The following C10orf143 variants were observed in gnomAD, a reference collection of about 807,000 sequenced individuals.
C10orf143 encodes the protein chromosome 10 open reading frame 143.
In C10orf143 at chr10:130,075,987, G is replaced by GTTTTT. The variant is rs11374857; in HGVS notation, c.297+3578_297+3579insAAAAA. Among the ~76,000 whole-genome samples the GTTTTT allele has an allele frequency of 5.3e-5, 7 of 133,186 alleles. 1 individual carries two copies. Among genetic ancestry groups the GTTTTT allele is most frequent in the Non-Finnish European group, 1.1e-4 (7 of 62,362 alleles). The allele number at this position is 133,186 out of a possible 152,430, so 87.4% of individuals were successfully genotyped here. On this transcript the variant is annotated intron_variant, in intron 3 of 3. Coordinates refer to ENST00000637128, the MANE Select transcript of C10orf143 (RefSeq NM_001355042.2). ...GTATGTGTGTGTTTTTTGTTTGTTT[G>GTTTTT]TTTGTTTTTTTTTTTGGAAATGATG... is the stretch of plus-strand genomic sequence containing the variant.
At chr10:130,038,280 T>C (rs1207652967) in intron 3 of C10orf143, among the ~76,000 whole-genome samples, 1 of 152,042 alleles carries the variant, frequency 6.6e-6, no homozygotes, top group Non-Finnish European at 1.5e-5. Flanking sequence ...GACTGCTCAT[T>C]TGTGCATGAG....
chr10:130,103,902 G>C (rs1020238802), intron 1 of C10orf143, among the ~76,000 whole-genome samples: 1 of 151,716 alleles, frequency 6.6e-6, no homozygotes, highest in African/African-American at 2.4e-5. Context: ...TGATTTTCCA[G>C]CCCAGGTATC....
chr10:130,044,894 C>T (rs574207558), intron 3 of C10orf143, among the ~76,000 whole-genome samples: 26 of 152,244 alleles, frequency 1.7e-4, no homozygotes, highest in Admixed American at 1.3e-3. Context: ...CCCAGCCCTG[C>T]GCATAGGTGT....
At chr10:130,093,530 A>G (rs528673209) in intron 1 of C10orf143, among the ~76,000 whole-genome samples, 1 of 152,312 alleles carries the variant, frequency 6.6e-6, no homozygotes, top group East Asian at 1.9e-4. Flanking sequence ...AAACACATTC[A>G]GAAGCTAGCA....
intron 3 of C10orf143, among the ~76,000 whole-genome samples, chr10:130,050,194 G>A (rs1860720653): frequency 6.6e-6 from 1 of 152,254 alleles, no homozygotes; most frequent in African/African-American, 2.4e-5. Flanking sequence ...AATGGGCCAC[G>A]CTCACACCCA....
intron 3 of C10orf143, among the ~76,000 whole-genome samples, chr10:130,045,293 T>C (rs1450036799): frequency 6.6e-6 from 1 of 152,262 alleles, no homozygotes; most frequent in Admixed American, 6.5e-5. Flanking sequence ...CGGCGGGGCC[T>C]GCTCTTCCCG....
chr10:130,100,058 G>A (rs1028549681), intron 1 of C10orf143, among the ~76,000 whole-genome samples: 1 of 151,116 alleles, frequency 6.6e-6, no homozygotes, highest in South Asian at 2.1e-4. Flanking sequence ...GGCTAGTCTC[G>A]AACTCCTGAC....
At chr10:130,054,471 T>C (rs536600744) in intron 3 of C10orf143, among the ~76,000 whole-genome samples, 2 of 152,360 alleles carry the variant, frequency 1.3e-5, no homozygotes, top group East Asian at 3.9e-4. Context: ...TGAATAGTGC[T>C]ACAATGAACA....
chr10:130,099,953 G>T (rs1401124575), intron 1 of C10orf143, among the ~76,000 whole-genome samples: 1 of 148,996 alleles, frequency 6.7e-6, no homozygotes, highest in African/African-American at 2.5e-5. Flanking sequence ...TTCTCCCACC[G>T]CAGGCTCTTG....
At chr10:130,107,535 A>G (rs1344335294) in intron 1 of C10orf143, 8 of 1,348,794 alleles carry the variant, frequency 5.9e-6, no homozygotes, top group Middle Eastern at 1.8e-4. Flanking sequence ...AAACTTCTAA[A>G]AAAAGATCCT....
intron 3 of C10orf143, among the ~76,000 whole-genome samples, chr10:130,047,472 C>T (rs1043043752): frequency 2.0e-4 from 30 of 152,200 alleles, no homozygotes; most frequent in Non-Finnish European, 1.0e-4. Flanking sequence ...AGCCCACCTT[C>T]CCTGAGGCTG....
chr10:130,044,680 G>A (rs569323392), intron 3 of C10orf143, among the ~76,000 whole-genome samples: 51 of 152,290 alleles, frequency 3.3e-4, no homozygotes, highest in East Asian at 7.7e-4. Flanking sequence ...GAAGGGGTGC[G>A]TGCAAGTTGC....
At chr10:130,080,161 T>A (rs1861183452) in intron 1 of C10orf143, among the ~76,000 whole-genome samples, 1 of 152,264 alleles carries the variant, frequency 6.6e-6, no homozygotes, top group South Asian at 2.1e-4. Context: ...TAATTTTGGC[T>A]GAAACTCTTG....
intron 3 of C10orf143, among the ~76,000 whole-genome samples, chr10:130,070,706 T>C (rs1473932115): frequency 6.6e-6 from 1 of 152,222 alleles, no homozygotes; most frequent in Non-Finnish European, 1.5e-5. Context: ...TATATATCAA[T>C]GTTTCCCATG....
chr10:130,059,515 T>C (rs1468121139), downstream of C10orf143, among the ~76,000 whole-genome samples: 1 of 152,088 alleles, frequency 6.6e-6, no homozygotes, highest in Non-Finnish European at 1.5e-5. Flanking sequence ...CAAAAAGCAG[T>C]GTGTGGCATG....
intron 3 of C10orf143, among the ~76,000 whole-genome samples, chr10:130,069,377 A>G: frequency 6.6e-6 from 1 of 152,254 alleles, no homozygotes; most frequent in Non-Finnish European, 1.5e-5. Context: ...AGACATCCCC[A>G]GATAAACAAA....
At chr10:130,102,931 C>G (rs1861580587) in intron 1 of C10orf143, among the ~76,000 whole-genome samples, 1 of 149,544 alleles carries the variant, frequency 6.7e-6, no homozygotes, top group South Asian at 2.1e-4. Flanking sequence ...TCTATTGCAT[C>G]TTTATATTTA....
At chr10:130,048,574 G>T (rs749035212) in intron 3 of C10orf143, among the ~76,000 whole-genome samples, 1 of 152,142 alleles carries the variant, frequency 6.6e-6, no homozygotes, top group Non-Finnish European at 1.5e-5. Flanking sequence ...GAATTGAGAC[G>T]TGCAGGGACC....
chr10:130,042,136 C>T (rs557139797), intron 3 of C10orf143, among the ~76,000 whole-genome samples: 1 of 152,290 alleles, frequency 6.6e-6, no homozygotes, highest in Admixed American at 6.5e-5. Context: ...ACAGACAACC[C>T]CAGGCAGAGC....
Sources: gnomAD v4.1 joint callset for allele counts (sites outside exome capture counted in the v4.1 genomes callset) on GRCh38, gnomAD v4.1.1 for gene constraint, MANE v1.5 for transcripts, NCBI Gene and HGNC (gene_info 2026-07-23, HGNC 2026-07-21) for gene names.